Variants in ANKS1B observed in about 807,000 individuals in gnomAD.
ANKS1B encodes the protein ankyrin repeat and sterile alpha motif domain containing 1B, also known as ankyrin repeat and sterile alpha motif domain-containing protein 1B.
ANKS1B carries 36 observed loss-of-function variants against 148.3 expected under a neutral mutation model. The observed-to-expected ratio is 0.24, with a 90% CI of 0.19 to 0.32. The LOEUF (loss-of-function observed/expected upper bound fraction) is 0.32. Among genes scored for constraint, ANKS1B ranks in the 10% least tolerant of loss-of-function variants. ANKS1B has a pLI of 1.00. For synonymous variants in ANKS1B, 542 were observed against 560.8 expected (o/e 0.97, Z 0.47); for missense variants, 1,157 against 1,542.6 (o/e 0.75, Z 4.19).
chr12:99,885,626 G>A (rs150275250), intron 1 of ANKS1B, among the ~76,000 whole-genome samples: 1 of 151,994 alleles, frequency 6.6e-6, no homozygotes, highest in Non-Finnish European at 1.5e-5. Context: ...CAAGAGCTTA[G>A]GCGTACAAGT....
rs546947486 is a variant in ANKS1B, at chr12:99,068,115, A to G, written c.2626-14806T>C. Among the ~76,000 whole-genome samples, 4 of 152,262 alleles carry G rather than the reference A, an allele frequency of 2.6e-5. No individual in the cohort carries two copies. In the South Asian group the frequency reaches 6.2e-4, roughly 24 times the overall value. On this transcript the variant is annotated intron_variant, in intron 16 of 26. Transcript: ENST00000683438. ...AGATATTGTATATCTAGGACAATAT[A>G]TATATAACATCATCCTAGATATTAT...
At chr12:99,633,984 T>C (rs1248631101) in intron 9 of ANKS1B, among the ~76,000 whole-genome samples, 1 of 152,166 alleles carries the variant, frequency 6.6e-6, no homozygotes, top group Non-Finnish European at 1.5e-5. Context: ...TTTGGACATT[T>C]GGGTTGGTGC....
chr12:99,433,332 G>A (rs904698252), intron 11 of ANKS1B, among the ~76,000 whole-genome samples: 1 of 152,020 alleles, frequency 6.6e-6, no homozygotes, highest in Non-Finnish European at 1.5e-5. Context: ...AGCCATCAGA[G>A]GTATGATGAT....
chr12:99,292,357 T>C (rs2080130851), intron 12 of ANKS1B, among the ~76,000 whole-genome samples: 1 of 150,090 alleles, frequency 6.7e-6, no homozygotes, highest in Admixed American at 6.6e-5. Context: ...AAAATAAAAA[T>C]AAAAATAAAA....
intron 9 of ANKS1B, among the ~76,000 whole-genome samples, chr12:99,599,593 G>T (rs913135021): frequency 6.6e-6 from 1 of 152,074 alleles, no homozygotes; most frequent in Non-Finnish European, 1.5e-5. Context: ...GGAATAAAAA[G>T]AAGAGATGGA....
chr12:99,626,042 C>A (rs766286171), intron 9 of ANKS1B, among the ~76,000 whole-genome samples: 5 of 152,040 alleles, frequency 3.3e-5, no homozygotes, highest in Non-Finnish European at 7.4e-5. Flanking sequence ...CTAAAAGATA[C>A]CTAAATCTTT....
At chr12:99,128,542 C>T (rs2065104719) in intron 15 of ANKS1B, among the ~76,000 whole-genome samples, 1 of 152,138 alleles carries the variant, frequency 6.6e-6, no homozygotes, top group Admixed American at 6.6e-5. Flanking sequence ...ACACTGATGG[C>T]TAATTTGAAC....
intron 14 of ANKS1B, among the ~76,000 whole-genome samples, chr12:99,167,244 A>G (rs1190258043): frequency 6.6e-6 from 1 of 152,056 alleles, no homozygotes; most frequent in Non-Finnish European, 1.5e-5. Context: ...AAAATGATAA[A>G]CAACTAAAAT....
At chr12:99,784,797 A>G (rs1336134378) in intron 4 of ANKS1B, among the ~76,000 whole-genome samples, 3 of 152,334 alleles carry the variant, frequency 2.0e-5, no homozygotes, top group African/African-American at 7.2e-5. Context: ...CTCGAATCTT[A>G]GCTTAAAATA....
intron 17 of ANKS1B, among the ~76,000 whole-genome samples, chr12:98,880,771 AAAATAAAAAT>A (rs1297684256): frequency 6.6e-6 from 1 of 152,120 alleles, no homozygotes; most frequent in Non-Finnish European, 1.5e-5. Flanking sequence ...CCGTCTCAAA[AAAATAAAAAT>A]AAATAAAAAT....
chr12:99,832,413 C>T (rs1045530505), intron 1 of ANKS1B, among the ~76,000 whole-genome samples: 1 of 151,906 alleles, frequency 6.6e-6, no homozygotes, highest in African/African-American at 2.4e-5. Context: ...CATGGTGAAA[C>T]TCTGTGTCTA....
chr12:99,008,563 C>T (rs2099937498), intron 17 of ANKS1B, among the ~76,000 whole-genome samples: 1 of 152,180 alleles, frequency 6.6e-6, no homozygotes, highest in African/African-American at 2.4e-5. Flanking sequence ...TAGCAATCAG[C>T]CACTCGGGAC....
chr12:99,136,404 G>A (rs2068074740), intron 15 of ANKS1B, among the ~76,000 whole-genome samples: 1 of 152,182 alleles, frequency 6.6e-6, no homozygotes, highest in Non-Finnish European at 1.5e-5. Context: ...AACAGGAGAA[G>A]CCAATCCAGA....
intron 12 of ANKS1B, among the ~76,000 whole-genome samples, chr12:99,354,188 T>G (rs1168844574): frequency 6.6e-6 from 1 of 152,078 alleles, no homozygotes; most frequent in Non-Finnish European, 1.5e-5. Flanking sequence ...TCTTTAGTTA[T>G]ATATCACTGG....
intron 15 of ANKS1B, among the ~76,000 whole-genome samples, chr12:99,149,844 G>A (rs1291540344): frequency 6.6e-6 from 1 of 152,052 alleles, no homozygotes; most frequent in Non-Finnish European, 1.5e-5. Context: ...CACACCAATT[G>A]CTAGTAAATA....
chr12:99,359,257 T>G (rs1406925479), intron 12 of ANKS1B, among the ~76,000 whole-genome samples: 2 of 152,142 alleles, frequency 1.3e-5, no homozygotes, highest in African/African-American at 4.8e-5. Flanking sequence ...TCTACTACTT[T>G]TATATCTGGT....
chr12:99,901,534 C>T (rs1234607007), intron 1 of ANKS1B, among the ~76,000 whole-genome samples: 1 of 152,180 alleles, frequency 6.6e-6, no homozygotes, highest in Non-Finnish European at 1.5e-5. Flanking sequence ...CTATAGTGGA[C>T]ATTTGTTATG....
intron 14 of ANKS1B, among the ~76,000 whole-genome samples, chr12:99,223,083 TCA>T (rs929014212): frequency 1.3e-5 from 2 of 152,328 alleles, no homozygotes; most frequent in Non-Finnish European, 2.9e-5. Flanking sequence ...AGAATTGGCC[TCA>T]CAGTTTCCAT....
At chr12:99,659,690 A>C (rs1009080095) in intron 8 of ANKS1B, among the ~76,000 whole-genome samples, 3 of 152,122 alleles carry the variant, frequency 2.0e-5, no homozygotes, top group Non-Finnish European at 4.4e-5. Flanking sequence ...ATTATATGAC[A>C]ACTATATATA....
Sources: allele counts gnomAD v4.1 joint callset (sites outside exome capture counted in the v4.1 genomes callset), GRCh38; gene constraint gnomAD v4.1.1; transcripts MANE v1.5; gene names NCBI Gene and HGNC (gene_info 2026-07-23, HGNC 2026-07-21).